Variants in ALDH9A1 observed in about 807,000 individuals in gnomAD.
ALDH9A1 encodes the protein aldehyde dehydrogenase 9 family member A1, also known as 4-trimethylaminobutyraldehyde dehydrogenase.
ALDH9A1 carries 42 observed loss-of-function variants against 56.6 expected under a neutral mutation model. That is an observed-to-expected ratio of 0.74 (90% CI 0.58 to 0.96). ALDH9A1 has a LOEUF of 0.96. ALDH9A1 is among the 40% of genes least tolerant of loss of function. The pLI, the probability that ALDH9A1 is intolerant of heterozygous loss-of-function variation, is 0.00. For synonymous variants in ALDH9A1, 242 were observed against 236.0 expected, an observed-to-expected ratio of 1.03 and a Z score of -0.23; for missense variants, 661 against 651.5, an observed-to-expected ratio of 1.01 and a Z score of -0.16.
intron 9 of ALDH9A1, 43 bp downstream of exon 9, chr1:165,667,266 C>G: frequency 1.2e-6 from 2 of 1,612,046 alleles, no homozygotes; most frequent in Non-Finnish European, 1.7e-6. Context: ...GATACTGCAG[C>G]CCCGCTCCTT....
At chr1:165,673,681 T>C (rs1211467636) in intron 6 of ALDH9A1, among the ~76,000 whole-genome samples, 1 of 152,150 alleles carries the variant, frequency 6.6e-6, no homozygotes. Flanking sequence ...CTCCTCTCTA[T>C]CCTGAATACA....
In ALDH9A1 at chr1:165,663,128, G is replaced by A. The variant is rs536182553; in HGVS notation, c.1479C>T (p.Asn493=). Reference sequence around the variant, plus strand: ...AATAATATTCGATTGTCACACGGCCGTTCTCTCTGCCAAATCCTGAAAGGA... The same window carrying A: ...AATAATATTCGATTGTCACACGGCCATTCTCTCTGCCAAATCCTGAAAGGA... The part of the protein sequence containing the change: ...GYKKSGFGRE[N]GRVTIEYYSQ... Residue 493 remains asparagine (N), a synonymous_variant, in exon 11 of 11, where the codon AAC becomes AAT. Coordinates refer to ENST00000354775, the MANE Select transcript of ALDH9A1 (RefSeq NM_000696.4). 74 of 1,613,912 alleles carry A rather than the reference G, an allele frequency of 4.6e-5. No individual in the cohort carries two copies. The South Asian group carries it at 6.6e-4, about 14-fold the overall frequency.
At chr1:165,678,636 CA>C (rs1649445486) in intron 6 of ALDH9A1, among the ~76,000 whole-genome samples, 1 of 152,144 alleles carries the variant, frequency 6.6e-6, no homozygotes, top group Non-Finnish European at 1.5e-5. Flanking sequence ...AGGATAGTCT[CA>C]AAATACCTCC....
chr1:165,667,203 T>G (rs1051652478), intron 9 of ALDH9A1, 106 bp downstream of exon 9: 6 of 1,440,996 alleles, frequency 4.2e-6, no homozygotes, highest in Non-Finnish European at 4.7e-6. Flanking sequence ...TGCTGATGGC[T>G]CCTATGAGGG....
At chr1:165,681,662 T>A (rs1442937069) in intron 4 of ALDH9A1, among the ~76,000 whole-genome samples, 1 of 152,204 alleles carries the variant, frequency 6.6e-6, no homozygotes, top group African/African-American at 2.4e-5. Context: ...TCCTCTTTGA[T>A]AAGAAGCTTA....
intron 9 of ALDH9A1, among the ~76,000 whole-genome samples, chr1:165,666,073 G>A (rs1220258844): frequency 2.0e-5 from 3 of 152,272 alleles, no homozygotes; most frequent in East Asian, 3.9e-4. Flanking sequence ...TATTATTTGG[G>A]AATAAAGTAC....
chr1:165,697,855 C>G (rs895713843), intron 1 of ALDH9A1, among the ~76,000 whole-genome samples: 1 of 151,930 alleles, frequency 6.6e-6, no homozygotes, highest in Non-Finnish European at 1.5e-5. Context: ...ATGCTGAAAA[C>G]CCGTCTCTAC....
chr1:165,666,242 G>A (rs1223868216), intron 9 of ALDH9A1, among the ~76,000 whole-genome samples: 3 of 152,168 alleles, frequency 2.0e-5, no homozygotes, highest in African/African-American at 7.2e-5. Flanking sequence ...CCAGGGGCTG[G>A]GGGTGGGGAG....
chr1:165,674,138 G>C (rs1175269674), intron 6 of ALDH9A1, among the ~76,000 whole-genome samples: 1 of 151,878 alleles, frequency 6.6e-6, no homozygotes, highest in Non-Finnish European at 1.5e-5. Context: ...CAAATGCCAT[G>C]GCAACGTCAT....
intron 2 of ALDH9A1, among the ~76,000 whole-genome samples, chr1:165,686,903 C>T (rs556647792): frequency 3.3e-5 from 5 of 152,026 alleles, no homozygotes; most frequent in Non-Finnish European, 7.4e-5. Context: ...AGAAATAACA[C>T]AACAGAACTA....
intron 10 of ALDH9A1, among the ~76,000 whole-genome samples, chr1:165,664,513 AG>A (rs1045460145): frequency 1.3e-5 from 2 of 152,228 alleles, no homozygotes; most frequent in African/African-American, 4.8e-5. Flanking sequence ...TATGCCATCA[AG>A]GGTAATGAAA....
At chr1:165,694,955 CAA>C (rs538042607) in intron 2 of ALDH9A1, among the ~76,000 whole-genome samples, 28 of 106,684 alleles carry the variant, frequency 2.6e-4, no homozygotes, top group Admixed American at 4.1e-4. Context: ...GATTCCGTCT[CAA>C]AAAAAAAAAA....
intron 2 of ALDH9A1, among the ~76,000 whole-genome samples, chr1:165,686,996 C>T (rs1304759016): frequency 6.6e-6 from 1 of 152,022 alleles, no homozygotes; most frequent in East Asian, 1.9e-4. Flanking sequence ...TAAGGAGAGC[C>T]ACAGAACACA....
intron 6 of ALDH9A1, chr1:165,671,429 TG>T: frequency 2.2e-6 from 1 of 447,414 alleles, no homozygotes; most frequent in Non-Finnish European, 4.4e-6. Flanking sequence ...CACAAATCGG[TG>T]GGATCCTGAG....
chr1:165,683,154 T>C (rs934448140), intron 2 of ALDH9A1, 44 bp from the exon 3 acceptor site: 1 of 1,591,868 alleles, frequency 6.3e-7, no homozygotes, highest in Non-Finnish European at 8.6e-7. Context: ...TATTCCAATA[T>C]GTCTTGATGT....
chr1:165,679,564 T>C lies in ALDH9A1; in HGVS notation c.808A>G (p.Lys270Glu), dbSNP rs978528671. 3.7e-6 allele frequency: 6 copies of C among 1,614,054 alleles called. No individual in the cohort carries two copies. In the African/African-American group the frequency reaches 8.0e-5, roughly 22 times the overall value. ...TGMKIMEMSAKGIKPVTLELG... is the reference protein window; with the variant it reads ...TGMKIMEMSAEGIKPVTLELG... ...TCCAAGGTAACAGGTTTGATTCCTT[T>C]AGCTGACATCTCCATGATCTTGCAG... Residue 270 changes from lysine to glutamate, a missense_variant, in exon 6 of 11, where the codon AAA becomes GAA. Lys to Glu is a moderately conservative substitution (Grantham distance 56). Transcript: ENST00000354775.
chr1:165,696,269 C>G (rs1650081567), intron 1 of ALDH9A1, among the ~76,000 whole-genome samples: 1 of 152,140 alleles, frequency 6.6e-6, no homozygotes, highest in Admixed American at 6.6e-5. Context: ...TGTCATGTCC[C>G]CTGCCCTAAA....
chr1:165,663,056 A>G lies in ALDH9A1; in HGVS notation c.1551T>C (p.Ala517=), dbSNP rs199966925. The stretch of plus-strand genomic sequence containing the variant: ...TAGGTTTCACTGCAGGTTTTCAAAA[A>G]GCAGATTCCACATCACCCATCTCCA... ...VCVEMGDVES[A]F is the part of the protein sequence containing the mutation. Residue 517 remains alanine (A), a synonymous_variant, in exon 11 of 11, where the codon GCT becomes GCC. Coordinates refer to ENST00000354775, the MANE Select transcript of ALDH9A1 (RefSeq NM_000696.4). 1.4e-5 allele frequency: 23 copies of G among 1,613,994 alleles called. No homozygotes were observed. In the African/African-American group the frequency reaches 1.9e-4, roughly 13 times the overall value.
Position 165,667,389 on chromosome 1 carries a change from AAT to A in ALDH9A1, c.1267_1268del (p.Ile423PhefsTer4). The A allele has an allele frequency of 1.2e-6, 2 of 1,614,112 alleles. No homozygotes were observed. Among genetic ancestry groups the A allele is most frequent in the Non-Finnish European group, 1.7e-6 (2 of 1,179,998 alleles). On this transcript the variant is annotated frameshift_variant, in exon 9 of 11. Coordinates refer to ENST00000354775, the MANE Select transcript of ALDH9A1 (RefSeq NM_000696.4). LOFTEE classifies it high-confidence loss of function. The stretch of plus-strand genomic sequence containing the variant: ...CCTCAGCTTCAGTGTCAAATGATAA[AAT>A]GGACATAACAGGCCCAAAGATCTCT... ...KEEIFGPVMSILSFDTEAEVL... is the reference protein window; with the variant it reads ...KEEIFGPVMSXLSFDTEAEVL...
Sources: allele counts gnomAD v4.1 joint callset (sites outside exome capture counted in the v4.1 genomes callset), GRCh38; gene constraint gnomAD v4.1.1; transcripts MANE v1.5; gene names NCBI Gene and HGNC (gene_info 2026-07-23, HGNC 2026-07-21).